Variants in MAN2A1 observed in about 807,000 individuals in gnomAD.
MAN2A1 encodes alpha-mannosidase 2.
MAN2A1 carries 76 observed loss-of-function variants against 142.6 expected under a neutral mutation model. The observed-to-expected ratio is 0.53, with a 90% CI of 0.44 to 0.65. The LOEUF is 0.65. MAN2A1 is among the 30% of genes least tolerant of loss of function. The pLI, the probability that MAN2A1 is intolerant of heterozygous loss-of-function variation, is 0.00. For missense variants in MAN2A1, 1,311 were observed against 1,365.1 expected (o/e 0.96, Z 0.62); for synonymous variants, 559 against 473.2 (o/e 1.18, Z -2.35).
intron 19 of MAN2A1, among the ~76,000 whole-genome samples, chr5:109,852,866 AT>A (rs1005746304): frequency 6.6e-6 from 1 of 152,164 alleles, no homozygotes; most frequent in Non-Finnish European, 1.5e-5. Flanking sequence ...TCAACAGTTA[AT>A]ATCTTGTTGA....
chr5:109,853,054 C>G (rs774843812), intron 19 of MAN2A1, among the ~76,000 whole-genome samples: 7 of 152,184 alleles, frequency 4.6e-5, no homozygotes, highest in Non-Finnish European at 7.3e-5. Context: ...GTAAACTACA[C>G]AGTTTTTAAA....
intron 1 of MAN2A1, among the ~76,000 whole-genome samples, chr5:109,698,568 A>G (rs1049616321): frequency 2.6e-5 from 4 of 152,192 alleles, no homozygotes; most frequent in Non-Finnish European, 5.9e-5. Flanking sequence ...TTAAAAATGT[A>G]TGCATTTGTG....
intron 1 of MAN2A1, among the ~76,000 whole-genome samples, chr5:109,706,352 G>C (rs952156771): frequency 1.3e-5 from 2 of 152,168 alleles, no homozygotes; most frequent in Admixed American, 1.3e-4. Flanking sequence ...TTTTTCAAAA[G>C]CCATACTTTT....
At chr5:109,693,438 G>A (rs1197244319) in intron 1 of MAN2A1, among the ~76,000 whole-genome samples, 1 of 151,752 alleles carries the variant, frequency 6.6e-6, no homozygotes, top group East Asian at 1.9e-4. Flanking sequence ...TAGTAGAACG[G>A]TTTATTTAGA....
At chr5:109,716,313 C>T (rs1250178720) in intron 3 of MAN2A1, 49 bp downstream of exon 3, 1 of 1,500,918 alleles carries the variant, frequency 6.7e-7, no homozygotes, top group Non-Finnish European at 9.0e-7. Flanking sequence ...TTTCTTTAGG[C>T]CTAGAGTCTT....
chr5:109,716,538 G>C (rs536657756), intron 3 of MAN2A1, among the ~76,000 whole-genome samples: 15 of 152,332 alleles, frequency 9.8e-5, no homozygotes, highest in African/African-American at 3.6e-4. Context: ...ATAGTTTTAA[G>C]AGACTGCTTG....
chr5:109,709,001 A>G (rs1030772355), intron 1 of MAN2A1, among the ~76,000 whole-genome samples: 2 of 152,176 alleles, frequency 1.3e-5, no homozygotes, highest in African/African-American at 4.8e-5. Flanking sequence ...ATTCTAATCA[A>G]TTGCTAAACC....
chr5:109,718,382 CTGGGCAGAATGCCAAATGTTTTACAAA>C (rs1751512962), intron 3 of MAN2A1, among the ~76,000 whole-genome samples: 3 of 152,182 alleles, frequency 2.0e-5, no homozygotes. Context: ...CCATGGTTTA[CTGGGCAGAATGCCAAATGTTTTACAAA>C]CATTTAGTGC....
At position 109,734,232 on chromosome 5, in the gene MAN2A1, G is replaced by A. The variant is rs1362081564; in HGVS notation, c.707+4719G>A. 3.1e-3 allele frequency among the ~76,000 whole-genome samples: 459 copies of A among 146,996 alleles called. 2 individuals carry two copies. Among genetic ancestry groups the A allele is most frequent in the African/African-American group, 9.7e-3 (387 of 39,714 alleles). On this transcript the variant is annotated intron_variant, in intron 4 of 21. Coordinates refer to ENST00000261483, the MANE Select transcript of MAN2A1 (RefSeq NM_002372.4). Reference sequence around the variant, plus strand: ...TATCCCCTTTATCATTTTTTATTGCGTCTATTTGATTCTTCTCTCTTTTCT... The same window carrying A: ...TATCCCCTTTATCATTTTTTATTGCATCTATTTGATTCTTCTCTCTTTTCT...
intron 4 of MAN2A1, among the ~76,000 whole-genome samples, chr5:109,738,679 G>A (rs1752178189): frequency 6.6e-6 from 1 of 152,022 alleles, no homozygotes. Context: ...TTTTTGTGAG[G>A]ATTGAATTAA....
At chr5:109,690,676 G>T (rs1161008177) in intron 1 of MAN2A1, 124 bp downstream of exon 1, 4 of 1,075,730 alleles carry the variant, frequency 3.7e-6, no homozygotes, top group Non-Finnish European at 5.3e-6. Flanking sequence ...GAGGCCAGGG[G>T]CTCTGTAGCT....
chr5:109,867,157 GAAAAAAAAAA>G lies in MAN2A1; in HGVS notation c.*171_*180del, dbSNP rs11351742. The G allele has an allele frequency of 2.1e-5, 2 of 93,822 alleles. No individual in the cohort carries two copies. Among genetic ancestry groups the G allele is most frequent in the East Asian group, 3.4e-4 (1 of 2,942 alleles). The allele number at this position is 93,822 out of a possible 1,614,324, so 5.8% of individuals were successfully genotyped here. On this transcript the variant is annotated 3_prime_UTR_variant, in exon 22 of 22. Transcript: ENST00000261483. Reference sequence around the variant, plus strand: ...CTTTTTTCTTTTACCAGTACAGTAAGAAAAAAAAAAAAAAAAAAAAAGCCATGCTATCAAT... The same window carrying G: ...CTTTTTTCTTTTACCAGTACAGTAAGAAAAAAAAAAAGCCATGCTATCAAT...
chr5:109,722,458 A>G (rs1399403597), intron 3 of MAN2A1, among the ~76,000 whole-genome samples: 1 of 152,168 alleles, frequency 6.6e-6, no homozygotes, highest in East Asian at 1.9e-4. Flanking sequence ...TCTGTTGCCC[A>G]GGCTGGAGTG....
chr5:109,812,345 C>T (rs1754342667), intron 12 of MAN2A1, among the ~76,000 whole-genome samples: 1 of 151,864 alleles, frequency 6.6e-6, no homozygotes, highest in African/African-American at 2.4e-5. Context: ...TCTAGTATAA[C>T]TCAAAAAGAC....
chr5:109,749,431 A>T (rs368710651), intron 4 of MAN2A1, among the ~76,000 whole-genome samples: 1 of 152,162 alleles, frequency 6.6e-6, no homozygotes, highest in Non-Finnish European at 1.5e-5. Flanking sequence ...CATCATTGAA[A>T]TAGAAACATG....
intron 4 of MAN2A1, 28 bp downstream of exon 4, chr5:109,729,541 G>C: frequency 8.4e-6 from 11 of 1,305,302 alleles, no homozygotes; most frequent in Non-Finnish European, 1.0e-5. Flanking sequence ...TTTGGAATTT[G>C]GTAATATTAA....
chr5:109,866,056 G>T (rs1399538163), intron 21 of MAN2A1, among the ~76,000 whole-genome samples: 1 of 152,164 alleles, frequency 6.6e-6, no homozygotes, highest in Non-Finnish European at 1.5e-5. Flanking sequence ...GAAAAATGTG[G>T]TAGGAGCCCT....
At chr5:109,816,787 A>G (rs747976603) in intron 12 of MAN2A1, among the ~76,000 whole-genome samples, 6 of 152,186 alleles carry the variant, frequency 3.9e-5, no homozygotes, top group Non-Finnish European at 8.8e-5. Context: ...GGGTACAGAA[A>G]AGCTTTATTA....
chr5:109,690,995 A>AAACCG (rs1156664768), intron 1 of MAN2A1, among the ~76,000 whole-genome samples: 2 of 152,172 alleles, frequency 1.3e-5, no homozygotes, highest in African/African-American at 4.8e-5. Context: ...GAAATGGATC[A>AAACCG]AACCGAACCC....
Sources: allele counts gnomAD v4.1 joint callset (sites outside exome capture counted in the v4.1 genomes callset), GRCh38; gene constraint gnomAD v4.1.1; transcripts MANE v1.5; gene names NCBI Gene and HGNC (gene_info 2026-07-23, HGNC 2026-07-21).